UBR1: variants seen among roughly 807,000 people sequenced by gnomAD.
UBR1 encodes E3 ubiquitin-protein ligase UBR1.
UBR1 carries 102 observed loss-of-function variants against 242.1 expected under a neutral mutation model. The ratio of observed to expected loss-of-function variants is 0.42; its 90% CI spans 0.36 to 0.50. UBR1 has a LOEUF of 0.50. UBR1 is among the 20% of genes least tolerant of loss of function. The probability of loss-of-function intolerance (pLI) is 0.01; values close to 1 mark genes in which losing one functional copy is unlikely to be tolerated. For missense variants in UBR1, 1,772 were observed against 2,101.8 expected (o/e 0.84, Z 3.07); for synonymous variants, 675 against 684.8 (o/e 0.99, Z 0.22).
At chr15:43,100,195 C>T (rs866469837) in intron 1 of UBR1, among the ~76,000 whole-genome samples, 1 of 152,080 alleles carries the variant, frequency 6.6e-6, no homozygotes, top group Non-Finnish European at 1.5e-5. Context: ...TTTAACCTGG[C>T]TCTACCATCA....
At chr15:42,950,163 A>C (rs1214993958) in intron 46 of UBR1, 99 bp downstream of exon 46, 5 of 1,129,600 alleles carry the variant, frequency 4.4e-6, no homozygotes, top group Non-Finnish European at 6.7e-6. Flanking sequence ...TGATTAAAGA[A>C]CTATTACCGT....
chr15:43,066,465 G>T (rs1224319343), intron 6 of UBR1, among the ~76,000 whole-genome samples: 3 of 152,054 alleles, frequency 2.0e-5, no homozygotes, highest in African/African-American at 7.2e-5. Flanking sequence ...GGTTCCATTT[G>T]AATTTTTAAA....
intron 3 of UBR1, among the ~76,000 whole-genome samples, chr15:43,079,750 C>T (rs1406473605): frequency 6.6e-6 from 1 of 151,966 alleles, no homozygotes; most frequent in Admixed American, 6.6e-5. Context: ...CCACTGCACT[C>T]CAGCCTGGGC....
rs983632216 is a variant in UBR1, at chr15:43,043,865, T to C, written c.1669-470A>G. On this transcript the variant is annotated intron_variant, in intron 14 of 46. Coordinates refer to ENST00000290650, the MANE Select transcript of UBR1 (RefSeq NM_174916.3). ...AGGAAACATAAGATATACCTATATA[T>C]GCACTTATAATCAAAGTAAAAAATA... Among the ~76,000 whole-genome samples, 3 of 152,286 alleles carry C rather than the reference T, an allele frequency of 2.0e-5. No homozygotes were observed. The East Asian group carries it at 5.8e-4, about 29-fold the overall frequency.
At chr15:43,007,015 T>C (rs2032841209) in intron 30 of UBR1, 64 bp downstream of exon 30, 15 of 1,512,736 alleles carry the variant, frequency 9.9e-6, no homozygotes, top group African/African-American at 1.4e-5. Flanking sequence ...TCAAATAGTA[T>C]TTTCTTTAAT....
At chr15:43,037,735 A>G (rs1487495399) in intron 17 of UBR1, 38 bp downstream of exon 17, 2 of 1,560,680 alleles carry the variant, frequency 1.3e-6, no homozygotes, top group Admixed American at 1.7e-5. Context: ...TTAGAAAATG[A>G]GCACATTCAT....
intron 10 of UBR1, among the ~76,000 whole-genome samples, chr15:43,058,110 G>A (rs1036765422): frequency 3.3e-5 from 5 of 151,890 alleles, no homozygotes; most frequent in Non-Finnish European, 5.9e-5. Flanking sequence ...GGGTTTCACC[G>A]TGTTGGCCAG....
intron 33 of UBR1, 32 bp from the exon 34 acceptor site, chr15:42,990,152 T>C (rs377539501): frequency 6.4e-5 from 94 of 1,458,212 alleles, no homozygotes; most frequent in Non-Finnish European, 8.5e-5. Context: ...GAAAGAAAAA[T>C]CATGAATGAG....
At chr15:42,987,575 G>A (rs779137460) in intron 35 of UBR1, among the ~76,000 whole-genome samples, 95 of 152,050 alleles carry the variant, frequency 6.2e-4, no homozygotes, top group African/African-American at 2.1e-3. Context: ...TTGGCTGGGC[G>A]TGGTGGCGTG....
At position 43,036,245 on chromosome 15, in the gene UBR1, A is replaced by G. The variant is rs2033333608; in HGVS notation, c.2123T>C (p.Leu708Ser). Residue 708 changes from leucine (L) to serine (S), a missense_variant, in exon 19 of 47, where the codon TTG (leucine) becomes TCG (serine). Coordinates refer to ENST00000290650, the MANE Select transcript of UBR1 (RefSeq NM_174916.3). The stretch of plus-strand genomic sequence containing the variant: ...TTCATACCTCTGAAGTACCAGTAAC[A>G]AGAACTTATTGGGATCCATTAAAGA... ...GASLMDPNKF[L>S]LLVLQRYELA... The G allele has an allele frequency of 6.2e-7, 1 of 1,613,802 alleles. No individual in the cohort carries two copies. Among genetic ancestry groups the G allele is most frequent in the Non-Finnish European group, 8.5e-7 (1 of 1,179,812 alleles).
At chr15:43,074,092 T>C (rs1456467863) in intron 4 of UBR1, among the ~76,000 whole-genome samples, 3 of 152,238 alleles carry the variant, frequency 2.0e-5, no homozygotes, top group Admixed American at 1.3e-4. Flanking sequence ...CTCTCTGCTT[T>C]CTAATAAAAA....
At chr15:42,950,128 G>A (rs565810866) in intron 46 of UBR1, 134 bp downstream of exon 46, 34 of 843,956 alleles carry the variant, frequency 4.0e-5, no homozygotes, top group East Asian at 2.9e-4. Context: ...TATAAGCCAC[G>A]GTGTCTGGCC....
At chr15:42,969,635 G>C (rs2032169971) in intron 40 of UBR1, among the ~76,000 whole-genome samples, 1 of 152,116 alleles carries the variant, frequency 6.6e-6, no homozygotes, top group African/African-American at 2.4e-5. Flanking sequence ...AAGCTGACAG[G>C]CAACTTCAGC....
chr15:42,990,292 A>G (rs1449131180), intron 33 of UBR1, among the ~76,000 whole-genome samples, 172 bp from the exon 34 acceptor site: 1 of 151,948 alleles, frequency 6.6e-6, no homozygotes, highest in Admixed American at 6.6e-5. Context: ...GATCCTCCCA[A>G]TCTCCGCCTC....
At chr15:43,078,314 A>G (rs1004769799) in intron 3 of UBR1, among the ~76,000 whole-genome samples, 1 of 152,166 alleles carries the variant, frequency 6.6e-6, no homozygotes, top group Non-Finnish European at 1.5e-5. Flanking sequence ...ATGAAGGAAA[A>G]AGGGATATAA....
At chr15:43,005,182 C>T (rs1467109030) in intron 30 of UBR1, among the ~76,000 whole-genome samples, 1 of 151,876 alleles carries the variant, frequency 6.6e-6, no homozygotes, top group Non-Finnish European at 1.5e-5. Flanking sequence ...CTCCGCCCAG[C>T]AGCCGCCCCA....
chr15:43,054,631 T>C (rs762948462), intron 12 of UBR1, 111 bp downstream of exon 12: 11 of 1,223,262 alleles, frequency 9.0e-6, no homozygotes, highest in Non-Finnish European at 1.3e-5. Context: ...TTGCCATCAT[T>C]ATAAAGAGAA....
chr15:43,095,930 A>T (rs536241929), intron 1 of UBR1, among the ~76,000 whole-genome samples: 17 of 152,356 alleles, frequency 1.1e-4, no homozygotes, highest in African/African-American at 4.1e-4. Context: ...GAGTCACACA[A>T]ATTTTTTTGG....
intron 46 of UBR1, among the ~76,000 whole-genome samples, chr15:42,949,767 G>A (rs921698008): frequency 2.6e-5 from 4 of 151,444 alleles, no homozygotes; most frequent in Non-Finnish European, 4.4e-5. Context: ...CCACTGCACT[G>A]TAGCCTGGGT....
Sources: allele counts gnomAD v4.1 joint callset (sites outside exome capture counted in the v4.1 genomes callset), GRCh38; gene constraint gnomAD v4.1.1; transcripts MANE v1.5; gene names NCBI Gene and HGNC (gene_info 2026-07-23, HGNC 2026-07-21).